The following AKR1C8 variants were observed in gnomAD, a reference collection of about 807,000 sequenced individuals.
The protein encoded by AKR1C8 is aldo-keto reductase family 1 member C-like protein 1.
the AKR1C8 span, among the ~76,000 whole-genome samples, chr10:5,141,809 GC>G: frequency 6.6e-6 from 1 of 152,100 alleles, no homozygotes; most frequent in Admixed American, 6.6e-5. Context: ...AAAGAGCTAT[GC>G]TGTAAGACAG....
chr10:5,183,387 T>C, the AKR1C8 span, among the ~76,000 whole-genome samples: 1 of 152,078 alleles, frequency 6.6e-6, no homozygotes, highest in Non-Finnish European at 1.5e-5. Context: ...AACTACCAAT[T>C]ATCAGGACGT....
chr10:5,122,581 C>T, the AKR1C8 span, among the ~76,000 whole-genome samples: 589 of 152,220 alleles, frequency 3.9e-3, 5 homozygotes, highest in African/African-American at 0.013. Flanking sequence ...CCTTAAAACA[C>T]GGAACAATCC....
the AKR1C8 span, among the ~76,000 whole-genome samples, chr10:5,125,458 G>A: frequency 6.6e-6 from 1 of 152,062 alleles, no homozygotes; most frequent in Admixed American, 6.6e-5. Context: ...TGAGAAACCA[G>A]AATACCTCCC....
the AKR1C8 span, among the ~76,000 whole-genome samples, chr10:5,164,318 C>T: frequency 1.3e-5 from 2 of 152,010 alleles, no homozygotes; most frequent in Admixed American, 6.6e-5. Context: ...CATTCAGGCC[C>T]CCTCTCTACT....
the AKR1C8 span, among the ~76,000 whole-genome samples, chr10:5,116,225 C>T: frequency 6.6e-6 from 1 of 152,058 alleles, no homozygotes; most frequent in Non-Finnish European, 1.5e-5. Flanking sequence ...CAACACTGTA[C>T]CTCCCTTCTT....
the AKR1C8 span, among the ~76,000 whole-genome samples, chr10:5,147,308 A>G: frequency 7.8e-4 from 119 of 152,228 alleles, no homozygotes; most frequent in African/African-American, 2.6e-3. Context: ...CACTTCCTAC[A>G]TTGAGAACTC....
At chr10:5,169,775 TA>T in the AKR1C8 span, among the ~76,000 whole-genome samples, 1 of 151,970 alleles carries the variant, frequency 6.6e-6, no homozygotes, top group African/African-American at 2.4e-5. Context: ...TAATTTCCAT[TA>T]AAAAAAGTTG....
the AKR1C8 span, among the ~76,000 whole-genome samples, chr10:5,136,232 T>C: frequency 3.3e-5 from 5 of 152,154 alleles, no homozygotes; most frequent in Non-Finnish European, 7.4e-5. Context: ...TACTTGTGTC[T>C]CTCTTTGGAG....
At chr10:5,128,322 G>A in the AKR1C8 span, among the ~76,000 whole-genome samples, 1 of 152,076 alleles carries the variant, frequency 6.6e-6, no homozygotes. Context: ...CACCACAATG[G>A]AACCTCCTGA....
chr10:5,180,959 C>T, the AKR1C8 span, among the ~76,000 whole-genome samples: 1 of 152,186 alleles, frequency 6.6e-6, no homozygotes, highest in Non-Finnish European at 1.5e-5. Context: ...AATGCCTCGC[C>T]CTGCTTTGGC....
the AKR1C8 span, chr10:5,132,484 T>C: frequency 2.1e-6 from 2 of 947,208 alleles, no homozygotes; most frequent in Middle Eastern, 2.3e-4. Flanking sequence ...TGAATATGTG[T>C]CAATAAATTG....
chr10:5,170,440 ATTAT>A, the AKR1C8 span, among the ~76,000 whole-genome samples: 1 of 152,070 alleles, frequency 6.6e-6, no homozygotes, highest in African/African-American at 2.4e-5. Flanking sequence ...AGCAAGAATA[ATTAT>A]TTATTACATA....
At chr10:5,123,862 C>G in the AKR1C8 span, 1 of 1,567,600 alleles carries the variant, frequency 6.4e-7, no homozygotes, top group East Asian at 2.3e-5. Flanking sequence ...TAATATGAAA[C>G]AGTTATGTTA....
the AKR1C8 span, among the ~76,000 whole-genome samples, chr10:5,140,911 T>A: frequency 6.6e-6 from 1 of 152,130 alleles, no homozygotes; most frequent in South Asian, 2.1e-4. Context: ...GTTGCTGAGT[T>A]CTGAAATGAC....
chr10:5,124,537 T>C, the AKR1C8 span, among the ~76,000 whole-genome samples: 1 of 152,078 alleles, frequency 6.6e-6, no homozygotes, highest in East Asian at 1.9e-4. Context: ...TTGAAAGTAA[T>C]TACTTTAAAG....
chr10:5,173,153 T>G, the AKR1C8 span, among the ~76,000 whole-genome samples: 2 of 152,162 alleles, frequency 1.3e-5, no homozygotes, highest in African/African-American at 2.4e-5. Flanking sequence ...GGGTTTTTTA[T>G]GCATGCACTA....
At chr10:5,117,084 C>G in the AKR1C8 span, among the ~76,000 whole-genome samples, 1 of 150,396 alleles carries the variant, frequency 6.6e-6, no homozygotes, top group African/African-American at 2.4e-5. Flanking sequence ...TTTCTTCAGC[C>G]TCAAAAAGTG....
At chr10:5,143,553 T>C in the AKR1C8 span, among the ~76,000 whole-genome samples, 1 of 151,958 alleles carries the variant, frequency 6.6e-6, no homozygotes, top group Non-Finnish European at 1.5e-5. Context: ...AAAACATAAT[T>C]GAAATGAGGC....
chr10:5,181,672 A>G, the AKR1C8 span, among the ~76,000 whole-genome samples: 1 of 152,204 alleles, frequency 6.6e-6, no homozygotes, highest in Non-Finnish European at 1.5e-5. Flanking sequence ...TTCCAAAACC[A>G]TATAAGATGT....
Sources: allele counts gnomAD v4.1 joint callset (sites outside exome capture counted in the v4.1 genomes callset), GRCh38; gene constraint gnomAD v4.1.1; transcripts MANE v1.5; gene names NCBI Gene and HGNC (gene_info 2026-07-23, HGNC 2026-07-21).